TSPAN7: variants seen among roughly 807,000 people sequenced by gnomAD.
TSPAN7 encodes tetraspanin-7.
TSPAN7 carries 1 observed loss-of-function variant against 17.6 expected under a neutral mutation model. That is an observed-to-expected ratio of 0.06 (90% CI 0.02 to 0.27). TSPAN7 has a LOEUF of 0.27. Among genes scored for constraint, TSPAN7 ranks in the 10% least tolerant of loss-of-function variants. TSPAN7 has a pLI of 1.00. For synonymous variants in TSPAN7, 78 were observed against 79.0 expected (o/e 0.99, Z 0.07); for missense variants, 112 against 201.7 (o/e 0.56, Z 2.69).
chrX:38,687,505 T>C, intron 6 of TSPAN7, 94 bp from the exon 7 acceptor site: 1 of 814,725 alleles, frequency 1.2e-6, no homozygotes, highest in Non-Finnish European at 1.8e-6. Flanking sequence ...AAAAATCACA[T>C]ACCCCATAAA....
At chrX:38,654,878 C>T (rs2069693753) in intron 1 of TSPAN7, among the ~76,000 whole-genome samples, 1 of 111,971 alleles carries the variant, frequency 8.9e-6, no homozygotes, top group Admixed American at 9.5e-5. Context: ...ATTCTGGTTT[C>T]AAATACGGTC....
intron 1 of TSPAN7, among the ~76,000 whole-genome samples, chrX:38,582,396 C>T (rs2069232398): frequency 8.9e-6 from 1 of 112,005 alleles, no homozygotes; most frequent in Admixed American, 9.4e-5. Context: ...CTATTACTAC[C>T]ATCACACCAA....
At chrX:38,597,034 A>G (rs1270066228) in intron 1 of TSPAN7, among the ~76,000 whole-genome samples, 1 of 111,228 alleles carries the variant, frequency 9.0e-6, no homozygotes, top group Non-Finnish European at 1.9e-5. Flanking sequence ...TTCTCTGTCC[A>G]CCTACGAAAG....
At chrX:38,636,697 A>G (rs182643533) in intron 1 of TSPAN7, among the ~76,000 whole-genome samples, 1,134 of 109,554 alleles carry the variant, frequency 0.01, 10 homozygotes, top group African/African-American at 0.035. Flanking sequence ...TTTTAGTCAG[A>G]CAGAGTCTCA....
At position 38,569,029 on chromosome X, in the gene TSPAN7, C is replaced by T. The variant is rs774619971; in HGVS notation, c.81+7402C>T. On this transcript the variant is annotated intron_variant, in intron 1 of 7. Transcript: ENST00000378482. ...GTAATTTTTTTGAGTTTGCTTCTTC[C>T]TGCATAGTTTCCTTCAGACTGTTCT... is the stretch of plus-strand genomic sequence containing the variant. 1.2e-4 allele frequency among the ~76,000 whole-genome samples: 13 copies of T among 111,098 alleles called. No individual in the cohort carries two copies. The South Asian group carries it at 3.0e-3, about 26-fold the overall frequency.
chrX:38,561,567 G>A lies in TSPAN7; in HGVS notation c.21G>A (p.Glu7=). MASRRM[E]TKPVITCLKT... is the part of the protein sequence containing the mutation. The stretch of plus-strand genomic sequence containing the variant: ...GTAGTATGGCATCGAGGAGAATGGA[G>A]ACCAAACCTGTGATAACCTGTCTCA... The change falls in exon 1 of 8, where the codon GAG becomes GAA. Residue 7 remains glutamate (E), a synonymous_variant. Coordinates refer to ENST00000378482, the MANE Select transcript of TSPAN7 (RefSeq NM_004615.4). 1 of 1,203,127 alleles carries A rather than the reference G, an allele frequency of 8.3e-7. No homozygotes were observed. The highest frequency in any genetic ancestry group is 1.1e-6 in the Non-Finnish European group (1 of 890,836).
intron 6 of TSPAN7, among the ~76,000 whole-genome samples, chrX:38,683,091 A>C (rs1160368065): frequency 1.8e-5 from 2 of 112,119 alleles, no homozygotes; most frequent in African/African-American, 6.5e-5. Context: ...GATACTGTAC[A>C]TTAGGAGAAG....
At chrX:38,677,880 G>A (rs921299812) in intron 5 of TSPAN7, among the ~76,000 whole-genome samples, 2 of 112,031 alleles carry the variant, frequency 1.8e-5, no homozygotes, top group Admixed American at 9.4e-5. Context: ...CTTCCTCCCA[G>A]TGACTCCTTC....
At chrX:38,567,229 C>T (rs1260991700) in intron 1 of TSPAN7, among the ~76,000 whole-genome samples, 1 of 112,067 alleles carries the variant, frequency 8.9e-6, no homozygotes, top group East Asian at 2.8e-4. Flanking sequence ...CTAATAAAGA[C>T]ATACATGAGA....
At chrX:38,665,343 A>C (rs2069775177) in intron 1 of TSPAN7, among the ~76,000 whole-genome samples, 1 of 111,703 alleles carries the variant, frequency 9.0e-6, no homozygotes, top group Admixed American at 9.5e-5. Context: ...TTAGAGACAT[A>C]AAGCAACCCC....
intron 1 of TSPAN7, among the ~76,000 whole-genome samples, chrX:38,614,052 T>C (rs1386626621): frequency 1.8e-5 from 2 of 109,003 alleles, no homozygotes; most frequent in African/African-American, 6.7e-5. Context: ...GCTTTGGAGC[T>C]TCCAAAATGT....
At chrX:38,571,029 A>G in intron 1 of TSPAN7, 1 of 112,347 alleles carries the variant, frequency 8.9e-6, no homozygotes, top group South Asian at 3.7e-4. Flanking sequence ...CAGTTTTGTT[A>G]CATATATATA....
At chrX:38,610,191 A>G (rs1276252858) in intron 1 of TSPAN7, among the ~76,000 whole-genome samples, 2 of 111,810 alleles carry the variant, frequency 1.8e-5, no homozygotes, top group African/African-American at 6.5e-5. Flanking sequence ...ATTAAATACC[A>G]TTTTGTGATC....
chrX:38,651,051 A>T (rs1490357114), intron 1 of TSPAN7, among the ~76,000 whole-genome samples: 1 of 26,628 alleles, frequency 3.8e-5, no homozygotes, highest in Non-Finnish European at 5.6e-5. Context: ...ATGTGATTAC[A>T]TATATATATA....
At chrX:38,565,390 C>T (rs957114761) in intron 1 of TSPAN7, among the ~76,000 whole-genome samples, 1 of 111,197 alleles carries the variant, frequency 9.0e-6, no homozygotes, top group African/African-American at 3.3e-5. Flanking sequence ...CCACCACGCC[C>T]GGCTAATTTT....
chrX:38,571,344 A>G (rs918354718), intron 1 of TSPAN7, among the ~76,000 whole-genome samples: 1 of 111,339 alleles, frequency 9.0e-6, no homozygotes, highest in Non-Finnish European at 1.9e-5. Flanking sequence ...TTCTGATTCA[A>G]CTGGTCTGGA....
At chrX:38,618,661 A>G (rs758585163) in intron 1 of TSPAN7, among the ~76,000 whole-genome samples, 5 of 111,958 alleles carry the variant, frequency 4.5e-5, no homozygotes, top group Non-Finnish European at 7.5e-5. Flanking sequence ...ACCATTTCAT[A>G]CTAGCTAGGA....
intron 1 of TSPAN7, among the ~76,000 whole-genome samples, chrX:38,604,502 G>T (rs1439208475): frequency 9.0e-6 from 1 of 110,661 alleles, no homozygotes; most frequent in African/African-American, 3.3e-5. Context: ...GTGTAAAAGT[G>T]TTCCTATTTC....
rs780125544 is a variant in TSPAN7, at chrX:38,641,405, G to A, written c.82-24716G>A. Among the ~76,000 whole-genome samples the A allele has an allele frequency of 2.7e-5, 3 of 111,885 alleles. No individual in the cohort carries two copies. The East Asian group carries it at 8.4e-4, about 31-fold the overall frequency. On this transcript the variant is annotated intron_variant, in intron 1 of 7. Coordinates refer to ENST00000378482, the MANE Select transcript of TSPAN7 (RefSeq NM_004615.4). ...TGCTTATCTTTACCTTCAGGGTGGC[G>A]TTGACAGAGTTAACTATGACGAAAG...
Sources: gnomAD v4.1 joint callset for allele counts (sites outside exome capture counted in the v4.1 genomes callset) on GRCh38, gnomAD v4.1.1 for gene constraint, MANE v1.5 for transcripts, NCBI Gene and HGNC (gene_info 2026-07-23, HGNC 2026-07-21) for gene names.